ANGPTL6: variants seen among roughly 807,000 people sequenced by gnomAD.
ANGPTL6 encodes the protein angiopoietin-related protein 6.
ANGPTL6 carries 45 observed loss-of-function variants against 47.4 expected under a neutral mutation model. The observed-to-expected ratio is 0.95, with a 90% CI of 0.75 to 1.22. ANGPTL6 has a LOEUF of 1.22. ANGPTL6 is among the 50% of genes most tolerant of loss of function. The pLI is 0.00. For missense variants in ANGPTL6, 698 were observed against 669.4 expected (o/e 1.04, Z -0.47); for synonymous variants, 290 against 295.9 (o/e 0.98, Z 0.20).
upstream of ANGPTL6, among the ~76,000 whole-genome samples, chr19:10,104,081 CAAAA>C (rs33948028): frequency 5.4e-5 from 4 of 74,174 alleles, no homozygotes; most frequent in South Asian, 1.5e-3. Flanking sequence ...GACTCTGTCT[CAAAA>C]AAAAAAAAAA....
In ANGPTL6 at chr19:10,096,570, G is replaced by T; in HGVS notation, c.-7C>A. The stretch of plus-strand genomic sequence containing the variant: ...GCAGCCAGGGCTTCCCCATCGCGGC[G>T]GACCTGCAGGCAGAGGAGGAACGGA... On this transcript the variant is annotated 5_prime_UTR_variant, in exon 2 of 6. Coordinates refer to ENST00000253109, the MANE Select transcript of ANGPTL6 (RefSeq NM_031917.3). 2.7e-6 allele frequency: 4 copies of T among 1,496,832 alleles called. No homozygotes were observed. Among genetic ancestry groups the T allele is most frequent in the South Asian group, 2.5e-5 (2 of 81,362 alleles). 92.7% of individuals were successfully genotyped at this position (1,496,832 alleles called of 1,614,324 possible).
chr19:10,102,717 A>G (rs2088712499), upstream of ANGPTL6: 1 of 984,556 alleles, frequency 1.0e-6, no homozygotes, highest in African/African-American at 1.7e-5. Context: ...ACCACTCCCC[A>G]GCCCCCAGAG....
chr19:10,098,005 CAAAAAAA>C (rs71188881), intron 1 of ANGPTL6, among the ~76,000 whole-genome samples: 1 of 130,906 alleles, frequency 7.6e-6, no homozygotes, highest in Non-Finnish European at 1.6e-5. Flanking sequence ...CTGTCTCTAC[CAAAAAAA>C]AAAAAAAAAA....
chr19:10,095,201 A>G (rs2088500115), intron 2 of ANGPTL6, among the ~76,000 whole-genome samples: 1 of 152,140 alleles, frequency 6.6e-6, no homozygotes, highest in African/African-American at 2.4e-5. Context: ...TGAGGTCAGG[A>G]GTTCGAGACC....
upstream of ANGPTL6, among the ~76,000 whole-genome samples, chr19:10,104,081 C>CAAAAAAAAAAAAAAAAAAA: frequency 1.3e-5 from 1 of 74,184 alleles, no homozygotes; most frequent in African/African-American, 5.3e-5. Flanking sequence ...GACTCTGTCT[C>CAAAAAAAAAAAAAAAAAAA]AAAAAAAAAA....
intron 3 of ANGPTL6, 101 bp downstream of exon 3, chr19:10,094,657 C>T: frequency 2.8e-6 from 4 of 1,403,530 alleles, no homozygotes; most frequent in Non-Finnish European, 4.0e-6. Flanking sequence ...ATAGGAGTAT[C>T]ATTTCTTCTG....
rs761836734 is a variant in ANGPTL6, at chr19:10,093,882, T to G, written c.764-2A>C. On this transcript the variant is annotated splice_acceptor_variant, in intron 3 of 5. Transcript: ENST00000253109. LOFTEE classifies it high-confidence loss of function. ...CCTCTGCACAATCCTGCCACGGGCC[T>G]GTGGGCACAGGGATAGGGGGGAGGC... 4 of 1,607,032 alleles carry G rather than the reference T, an allele frequency of 2.5e-6. No homozygotes were observed. The Admixed American group carries it at 6.7e-5, about 27-fold the overall frequency.
At chr19:10,099,277 C>T (rs545993482) in intron 1 of ANGPTL6, among the ~76,000 whole-genome samples, 17 of 152,236 alleles carry the variant, frequency 1.1e-4, no homozygotes, top group Admixed American at 8.5e-4. Flanking sequence ...CAAATCCACC[C>T]ATGATCCATA....
At chr19:10,099,081 G>A (rs986796106) in intron 1 of ANGPTL6, among the ~76,000 whole-genome samples, 1 of 152,054 alleles carries the variant, frequency 6.6e-6, no homozygotes, top group African/African-American at 2.4e-5. Flanking sequence ...TGAATTCCCA[G>A]CTCAAGACAC....
upstream of ANGPTL6, among the ~76,000 whole-genome samples, chr19:10,104,018 G>C (rs540598217): frequency 6.6e-6 from 1 of 150,476 alleles, no homozygotes; most frequent in Non-Finnish European, 1.5e-5. Context: ...GCTTGAACCC[G>C]GGGGGCGGAG....
chr19:10,103,832 C>A (rs559333854), upstream of ANGPTL6, among the ~76,000 whole-genome samples: 1 of 150,942 alleles, frequency 6.6e-6, no homozygotes, highest in Admixed American at 6.6e-5. Context: ...CGGTGGCTCA[C>A]GCCTGTAATC....
At chr19:10,101,938 T>C (rs2088690535) in intron 1 of ANGPTL6, among the ~76,000 whole-genome samples, 1 of 134,648 alleles carries the variant, frequency 7.4e-6, no homozygotes, top group African/African-American at 2.8e-5. Flanking sequence ...ATTCCGTCTC[T>C]ACTAAAAATA....
intron 1 of ANGPTL6, among the ~76,000 whole-genome samples, 197 bp downstream of exon 1, chr19:10,102,371 C>G (rs1168762521): frequency 1.3e-5 from 2 of 151,464 alleles, no homozygotes; most frequent in African/African-American, 4.8e-5. Flanking sequence ...CTCTCTTTGT[C>G]CCCGATCACT....
upstream of ANGPTL6, among the ~76,000 whole-genome samples, chr19:10,105,690 C>T (rs569139475): frequency 2.1e-5 from 3 of 144,978 alleles, no homozygotes; most frequent in South Asian, 6.7e-4. Context: ...GAGAGGAGGC[C>T]GATGGGGGAG....
intron 1 of ANGPTL6, among the ~76,000 whole-genome samples, chr19:10,099,811 C>G (rs539653997): frequency 2.7e-5 from 4 of 149,890 alleles, no homozygotes; most frequent in Non-Finnish European, 5.9e-5. Context: ...TACAAGCTCT[C>G]TCTCTCTCTG....
At chr19:10,102,448 C>T (rs1436097931) in intron 1 of ANGPTL6, 120 bp downstream of exon 1, 5 of 583,832 alleles carry the variant, frequency 8.6e-6, no homozygotes, top group Non-Finnish European at 1.1e-5. Flanking sequence ...GTATAACACC[C>T]GCTGCCTTTT....
upstream of ANGPTL6, among the ~76,000 whole-genome samples, chr19:10,103,635 T>TAAATA (rs1477408948): frequency 4.1e-5 from 6 of 145,550 alleles, 1 homozygote; most frequent in Non-Finnish European, 6.1e-5. Context: ...AATAAATAAA[T>TAAATA]AATAATAAAG....
rs2088541532 is a variant in ANGPTL6, at chr19:10,096,389, CGTT to C, written c.172_174del (p.Asn58del). On this transcript the variant is annotated inframe_deletion, in exon 2 of 6. Coordinates refer to ENST00000253109, the MANE Select transcript of ANGPTL6 (RefSeq NM_031917.3). ...ATGCGCAGCGCCGCCAGCTCGCTGG[CGTT>C]GGCGGCCTCGGGCGTCGCCCGCGTG... 2.3e-6 allele frequency: 3 copies of C among 1,304,132 alleles called. No homozygotes were observed. The highest frequency in any genetic ancestry group is 2.9e-6 in the Non-Finnish European group (3 of 1,031,130). The allele number at this position is 1,304,132 out of a possible 1,614,324, so 80.8% of individuals were successfully genotyped here.
chr19:10,095,977 G>A lies in ANGPTL6; in HGVS notation c.582+5C>T. The A allele has an allele frequency of 7.6e-7, 1 of 1,318,930 alleles. No homozygotes were observed. The highest frequency in any genetic ancestry group is 9.7e-7 in the Non-Finnish European group (1 of 1,030,884). 81.7% of individuals were successfully genotyped at this position (1,318,930 alleles called of 1,614,324 possible). On this transcript the variant is annotated splice_donor_5th_base_variant and intron_variant, in intron 2 of 5. Transcript: ENST00000253109. ...TGCTGCTCTCCGGGGAGGCTGCGAGGTTACCTGCTGCTGCCCGCCCGCGCC... is the reference window on the plus strand; with the variant it reads ...TGCTGCTCTCCGGGGAGGCTGCGAGATTACCTGCTGCTGCCCGCCCGCGCC...
Sources: allele counts gnomAD v4.1 joint callset (sites outside exome capture counted in the v4.1 genomes callset), GRCh38; gene constraint gnomAD v4.1.1; transcripts MANE v1.5; gene names NCBI Gene and HGNC (gene_info 2026-07-23, HGNC 2026-07-21).